The following SETD1B variants were observed in gnomAD, a reference collection of about 807,000 sequenced individuals.
The protein encoded by SETD1B is SET domain containing 1B, histone lysine methyltransferase, also known as histone-lysine N-methyltransferase SETD1B.
In SETD1B, 7 loss-of-function variants were observed where a neutral mutation model predicts 148.0. The observed-to-expected ratio is 0.05, with a 90% CI of 0.03 to 0.09. The LOEUF is 0.09. Ranked by LOEUF, SETD1B falls within the 10% of genes least tolerant of loss-of-function variation. SETD1B has a pLI of 1.00. For synonymous variants in SETD1B, 1,361 were observed against 1,186.5 expected (o/e 1.15, Z -3.02); for missense variants, 2,155 against 2,729.9 (o/e 0.79, Z 4.69).
chr12:121,793,108 G>A, the SETD1B span: 4 of 1,506,640 alleles, frequency 2.7e-6, no homozygotes, highest in Non-Finnish European at 3.6e-6. Flanking sequence ...GAAACCCTTC[G>A]GGCGGGCGGA....
the SETD1B span, chr12:121,797,967 C>T: frequency 4.2e-6 from 1 of 238,656 alleles, no homozygotes; most frequent in Non-Finnish European, 8.4e-6. Context: ...CACGGCTCAT[C>T]GGGGATTGAA....
the SETD1B span, chr12:121,796,285 C>A: frequency 0.016 from 2,418 of 152,898 alleles, 140 homozygotes; most frequent in East Asian, 0.22. Flanking sequence ...TAAGCTGGTT[C>A]CTGACACAAC....
chr12:121,795,622 C>T, the SETD1B span: 2 of 152,464 alleles, frequency 1.3e-5, no homozygotes, highest in East Asian at 1.9e-4. Context: ...AGCTACCAGC[C>T]GGGCCCTGAG....
chr12:121,825,613 C>T (rs1018167763), intron 13 of SETD1B, among the ~76,000 whole-genome samples: 1 of 152,034 alleles, frequency 6.6e-6, no homozygotes, highest in African/African-American at 2.4e-5. Context: ...AGCTGTATTT[C>T]CGCAAGTTCA....
chr12:121,817,860 C>G lies in SETD1B; in HGVS notation c.3374C>G (p.Ala1125Gly), dbSNP rs991488366. The G allele has an allele frequency of 1.9e-6, 3 of 1,550,954 alleles. No individual in the cohort carries two copies. In the African/African-American group the frequency reaches 4.1e-5, roughly 21 times the overall value. Residue 1125 changes from alanine to glycine, a missense_variant, in exon 10 of 17, where the codon GCC becomes GGC. This residue lies in a region of SETD1B where 862 missense variants were observed against 873.8 expected (regional missense o/e 0.99). Transcript: ENST00000604567. The surrounding 1 kb of genome is among the most constrained non-coding windows in gnomAD (Gnocchi z 8.1). ...DESENDDEDT[A>G]LSEASEKDEG... ...TCTGAGAACGATGACGAGGACACAG[C>G]CCTGTCAGAGGCGAGTGAGAAGGAC...
chr12:121,793,721 G>A, the SETD1B span: 1 of 1,238,220 alleles, frequency 8.1e-7, no homozygotes, highest in African/African-American at 1.6e-5. Flanking sequence ...AACCAGCCCC[G>A]CCCACTCGGA....
At chr12:121,828,757 C>T (rs1301291806) in intron 16 of SETD1B, among the ~76,000 whole-genome samples, 1 of 152,202 alleles carries the variant, frequency 6.6e-6, no homozygotes, top group Non-Finnish European at 1.5e-5. Flanking sequence ...CTTAATGTCT[C>T]TTATGCCTGA....
upstream of SETD1B, chr12:121,802,836 C>T (rs763305484): frequency 6.6e-6 from 1 of 152,184 alleles, no homozygotes; most frequent in Non-Finnish European, 1.5e-5. Context: ...ATGGTAGAGT[C>T]AAAGGAAAAA....
intron 12 of SETD1B, 68 bp downstream of exon 12, chr12:121,823,817 C>G: frequency 6.8e-7 from 1 of 1,476,798 alleles, no homozygotes; most frequent in South Asian, 1.3e-5. Context: ...CCTCTCTGGG[C>G]CCCACCACCC....
chr12:121,797,419 A>ACAG, the SETD1B span: 1 of 455,416 alleles, frequency 2.2e-6, no homozygotes, highest in Admixed American at 2.3e-5. Context: ...ACCAGCAGGA[A>ACAG]CAGCAGCAGG....
At chr12:121,807,957 A>G (rs1875831893) in intron 4 of SETD1B, among the ~76,000 whole-genome samples, 1 of 151,406 alleles carries the variant, frequency 6.6e-6, no homozygotes, top group Non-Finnish European at 1.5e-5. Flanking sequence ...GGTTTGGGGG[A>G]GTCTCAGCCC....
At chr12:121,825,506 GAGA>G in intron 13 of SETD1B, 140 bp downstream of exon 13, 2 of 428,716 alleles carry the variant, frequency 4.7e-6, no homozygotes, top group Non-Finnish European at 8.5e-6. Flanking sequence ...AGTGGAAGGG[GAGA>G]GGCGGGTGGG....
Position 121,808,069 on chromosome 12 carries a change from A to T in SETD1B, c.545-139A>T. On this transcript the variant is annotated intron_variant, in intron 4 of 16. Coordinates refer to ENST00000604567, the MANE Select transcript of SETD1B (RefSeq NM_001353345.2). This position sits in a 1 kb window ranked among gnomAD's most constrained non-coding sequence, Gnocchi z 5.3. The stretch of plus-strand genomic sequence containing the variant: ...CTGAGCGAGGTGCAGAGGGGTGGGA[A>T]CTCAGGGCCACACAGCCTCCCTAGG... The T allele has an allele frequency of 1.6e-6, 1 of 619,232 alleles. No individual in the cohort carries two copies. Among genetic ancestry groups the T allele is most frequent in the East Asian group, 3.0e-5 (1 of 33,850 alleles). The allele number at this position is 619,232 out of a possible 1,614,324, so 38.4% of individuals were successfully genotyped here. A position where few individuals can be genotyped will look rare whatever the true frequency, so the allele number is the denominator to read the frequency against.
chr12:121,820,615 G>A (rs1416491376), intron 11 of SETD1B, among the ~76,000 whole-genome samples: 2 of 152,020 alleles, frequency 1.3e-5, no homozygotes, highest in African/African-American at 2.4e-5. Context: ...CTCACCGCAA[G>A]CTCCGCCTCC....
At position 121,806,041 on chromosome 12, in the gene SETD1B, C is replaced by A. The variant is rs751213431; in HGVS notation, c.480C>A (p.Ala160=). 6.4e-7 allele frequency: 1 copy of A among 1,551,670 alleles called. No homozygotes were observed. The highest frequency in any genetic ancestry group is 8.7e-7 in the Non-Finnish European group (1 of 1,147,002). ...CCACGGTCCGGGGAGCCAAGGATGC[C>A]GTTCAGCACTTGCACAGCACTTCCG... ...VFATVRGAKD[A]VQHLHSTSVM... is the part of the protein sequence containing the mutation. Residue 160 remains alanine, a synonymous_variant, in exon 4 of 17, where the codon GCC becomes GCA. Transcript: ENST00000604567.
rs1390140043 is a variant in SETD1B at position 121,814,567 on chromosome 12, G to T, written c.2352G>T (p.Arg784=). ...AGATGCAAACGCAGGTGCTCAGCCG[G>T]CTGATGACGGGCCAGGGCGCCTGCC... is the stretch of plus-strand genomic sequence containing the variant. The part of the protein sequence containing the change: ...SFQMQTQVLS[R]LMTGQGACPY... Residue 784 remains arginine, a synonymous_variant, in exon 7 of 17, where the codon CGG becomes CGT. Coordinates refer to ENST00000604567, the MANE Select transcript of SETD1B (RefSeq NM_001353345.2). The T allele has an allele frequency of 2.0e-6, 3 of 1,507,770 alleles. No homozygotes were observed. 93.4% of individuals were successfully genotyped at this position (1,507,770 alleles called of 1,614,324 possible).
Position 121,809,831 on chromosome 12 carries a change from C to T in SETD1B, c.886C>T (p.Pro296Ser), listed in dbSNP as rs1401146729. The T allele has an allele frequency of 1.9e-6, 3 of 1,551,436 alleles. No individual in the cohort carries two copies. The African/African-American group carries it at 4.1e-5, about 21-fold the overall frequency. Residue 296 changes from proline to serine, a missense_variant, in exon 6 of 17, where the codon CCC becomes TCC. By Grantham distance (74) the Pro-to-Ser change is moderately conservative (BLOSUM62 -1). Around this residue, in one of 11 missense-constraint regions of SETD1B, gnomAD observed 376 missense variants for 385.0 expected, o/e 0.98. Transcript: ENST00000604567. ...CAGCTACTCCAGCCGCCAGCCCACA[C>T]CCTCATACCTCTTCAGCCAGGACCC... ...DSSYSSRQPT[P>S]SYLFSQDPAV...
intron 7 of SETD1B, among the ~76,000 whole-genome samples, 176 bp from the exon 8 acceptor site, chr12:121,816,857 G>T (rs576803044): frequency 6.6e-6 from 1 of 152,194 alleles, no homozygotes; most frequent in Non-Finnish European, 1.5e-5. Context: ...GAGGCAGAGC[G>T]GTGCTCTAGA....
intron 14 of SETD1B, 36 bp from the exon 15 acceptor site, chr12:121,827,699 A>G: frequency 6.4e-7 from 1 of 1,551,674 alleles, no homozygotes; most frequent in South Asian, 1.2e-5. Flanking sequence ...AGGACCTGAG[A>G]CCGGGGCTCA....
Sources: allele counts gnomAD v4.1 joint callset (sites outside exome capture counted in the v4.1 genomes callset), GRCh38; gene constraint gnomAD v4.1.1; regional missense constraint gnomAD v4.1.1; non-coding constraint Gnocchi (gnomAD v3.1); transcripts MANE v1.5; gene names NCBI Gene and HGNC (gene_info 2026-07-23, HGNC 2026-07-21).